RABGAP1L: variants seen among roughly 807,000 people sequenced by gnomAD.
RABGAP1L encodes RAB GTPase activating protein 1 like.
Under a neutral mutation model 137.7 loss-of-function variants are expected in RABGAP1L, and 63 were observed. That is an observed-to-expected ratio of 0.46 (90% confidence interval 0.37 to 0.56). RABGAP1L has a LOEUF of 0.56. Ranked by LOEUF, RABGAP1L falls within the 20% of genes least tolerant of loss-of-function variation. RABGAP1L has a pLI of 0.00. For synonymous variants in RABGAP1L, 431 were observed against 433.7 expected (o/e 0.99, Z 0.08); for missense variants, 1,095 against 1,244.0 (o/e 0.88, Z 1.80).
At chr1:174,550,887 T>TACAC (rs1265565571) in intron 13 of RABGAP1L, among the ~76,000 whole-genome samples, 8 of 89,942 alleles carry the variant, frequency 8.9e-5, no homozygotes, top group African/African-American at 3.4e-4. Flanking sequence ...TATATATATA[T>TACAC]ATATATATAC....
intron 13 of RABGAP1L, among the ~76,000 whole-genome samples, chr1:174,500,906 ACTGT>A (rs1330111431): frequency 1.4e-4 from 21 of 152,260 alleles, no homozygotes; most frequent in African/African-American, 3.9e-4. Context: ...AATCATTGAG[ACTGT>A]CTTTTTACCT....
intron 16 of RABGAP1L, chr1:174,701,147 T>C: frequency 7.7e-7 from 1 of 1,304,690 alleles, no homozygotes; most frequent in Non-Finnish European, 1.0e-6. Context: ...TCAGTTATGG[T>C]AATAGCTATG....
intron 14 of RABGAP1L, among the ~76,000 whole-genome samples, chr1:174,657,540 C>T (rs562999490): frequency 6.6e-6 from 1 of 152,046 alleles, no homozygotes; most frequent in Admixed American, 6.6e-5. Context: ...ACATAATGTC[C>T]TCCTTTTTCA....
intron 10 of RABGAP1L, among the ~76,000 whole-genome samples, chr1:174,288,527 T>G (rs573107870): frequency 1.7e-4 from 26 of 152,328 alleles, no homozygotes; most frequent in Non-Finnish European, 2.9e-4. Flanking sequence ...GAATATATTA[T>G]TCCACTGTTT....
At chr1:174,197,264 G>A (rs1315955897) in intron 1 of RABGAP1L, among the ~76,000 whole-genome samples, 1 of 152,180 alleles carries the variant, frequency 6.6e-6, no homozygotes, top group African/African-American at 2.4e-5. Flanking sequence ...AAATAGTAGA[G>A]CCAGGATTAA....
At chr1:174,422,610 CT>C (rs1169899734) in intron 13 of RABGAP1L, among the ~76,000 whole-genome samples, 2 of 151,986 alleles carry the variant, frequency 1.3e-5, no homozygotes, top group Admixed American at 1.3e-4. Context: ...ATGAATTAAT[CT>C]TAAATCAGTC....
chr1:174,329,779 T>G (rs1234742381), intron 11 of RABGAP1L, among the ~76,000 whole-genome samples: 5 of 151,358 alleles, frequency 3.3e-5, no homozygotes, highest in African/African-American at 1.2e-4. Context: ...TTCATCTTTT[T>G]GTGATAAAGC....
intron 13 of RABGAP1L, chr1:174,546,022 G>T (rs1323494541): frequency 2.6e-5 from 4 of 152,104 alleles, no homozygotes; most frequent in African/African-American, 9.7e-5. Flanking sequence ...AAGAAAAAAA[G>T]AATCTTAAGA....
At chr1:174,716,819 T>G (rs1228386587) in intron 17 of RABGAP1L, among the ~76,000 whole-genome samples, 2 of 152,206 alleles carry the variant, frequency 1.3e-5, no homozygotes, top group African/African-American at 4.8e-5. Context: ...TCTGGCTCAT[T>G]GACCTATTGG....
At chr1:174,913,853 A>C (rs1428584343) in intron 19 of RABGAP1L, among the ~76,000 whole-genome samples, 1 of 152,220 alleles carries the variant, frequency 6.6e-6, no homozygotes, top group Admixed American at 6.5e-5. Flanking sequence ...GTTTCAGAAA[A>C]TAGATCTTAA....
intron 1 of RABGAP1L, among the ~76,000 whole-genome samples, chr1:174,197,200 A>G (rs191358332): frequency 9.2e-4 from 140 of 152,250 alleles, no homozygotes; most frequent in Non-Finnish European, 3.4e-4. Flanking sequence ...TTTTCCTGTA[A>G]ACTTAATGAA....
chr1:174,684,419 T>C (rs189303736), intron 15 of RABGAP1L, among the ~76,000 whole-genome samples: 5 of 152,268 alleles, frequency 3.3e-5, no homozygotes, highest in Admixed American at 1.3e-4. Context: ...GGGCACAGCA[T>C]ACAAAGGGAA....
At position 174,521,382 on chromosome 1, in the gene RABGAP1L, A is replaced by G. The variant is rs541785510; in HGVS notation, c.1711-115993A>G. Among the ~76,000 whole-genome samples the G allele has an allele frequency of 1.4e-4, 21 of 152,362 alleles. No homozygotes were observed. The South Asian group carries it at 4.3e-3, about 32-fold the overall frequency. Reference sequence around the variant, plus strand: ...TTTCAATGGCTTATACTTTGATAGAAGAAGCTTATAGAAAACTAGTTTTGG... The same window carrying G: ...TTTCAATGGCTTATACTTTGATAGAGGAAGCTTATAGAAAACTAGTTTTGG... On this transcript the variant is annotated intron_variant, in intron 13 of 25. Transcript: ENST00000681986.
intron 13 of RABGAP1L, among the ~76,000 whole-genome samples, chr1:174,608,381 T>C (rs1028050266): frequency 1.3e-5 from 2 of 152,160 alleles, no homozygotes; most frequent in Admixed American, 1.3e-4. Context: ...ATCTTTCAGT[T>C]AGTGGAAGTA....
At chr1:174,886,831 T>C (rs1229455627) in intron 19 of RABGAP1L, among the ~76,000 whole-genome samples, 8 of 152,190 alleles carry the variant, frequency 5.3e-5, no homozygotes, top group African/African-American at 1.9e-4. Flanking sequence ...TTCTTTTTTT[T>C]TGAGACAGGG....
chr1:174,210,705 C>G (rs1298854090), intron 1 of RABGAP1L, among the ~76,000 whole-genome samples: 1 of 151,986 alleles, frequency 6.6e-6, no homozygotes, highest in Non-Finnish European at 1.5e-5. Flanking sequence ...GAGAACTTAC[C>G]AAATCTACAG....
intron 12 of RABGAP1L, among the ~76,000 whole-genome samples, chr1:174,374,762 AGTGAAGCT>A (rs1411079626): frequency 2.6e-5 from 4 of 152,232 alleles, no homozygotes; most frequent in African/African-American, 9.6e-5. Flanking sequence ...CCATTTTTCC[AGTGAAGCT>A]TTTATAAACC....
intron 19 of RABGAP1L, among the ~76,000 whole-genome samples, chr1:174,903,937 C>CT (rs1658572435): frequency 7.4e-6 from 1 of 135,826 alleles, no homozygotes; most frequent in African/African-American, 2.8e-5. Context: ...GCAACAAGAG[C>CT]GAAACTCTGT....
In RABGAP1L at chr1:174,991,368, T is replaced by C. The variant is rs560642913; in HGVS notation, c.*1367T>C. 2.0e-5 allele frequency: 3 copies of C among 152,352 alleles called. No individual in the cohort carries two copies. The highest frequency in any genetic ancestry group is 3.9e-4 in the East Asian group (2 of 5,186). 9.4% of individuals were successfully genotyped at this position (152,352 alleles called of 1,614,324 possible). ...TAATCATTGGCCTCATTGTTGAACA[T>C]ATTATTTGCAAAGAATCTTAAACTC... On this transcript the variant is annotated 3_prime_UTR_variant, in exon 26 of 26. Transcript: ENST00000681986.
Sources: allele counts gnomAD v4.1 joint callset (sites outside exome capture counted in the v4.1 genomes callset), GRCh38; gene constraint gnomAD v4.1.1; transcripts MANE v1.5; gene names NCBI Gene and HGNC (gene_info 2026-07-23, HGNC 2026-07-21).